Variants in SEM1 observed in about 807,000 individuals in gnomAD.
The protein encoded by SEM1 is 26S proteasome complex subunit SEM1.
Under a neutral mutation model 12.7 loss-of-function variants are expected in SEM1, and 3 were observed. The observed-to-expected ratio is 0.24, with a 90% confidence interval of 0.11 to 0.61. The LOEUF (loss-of-function observed/expected upper bound fraction) is 0.61, where lower values mean the gene tolerates loss of function less well. Ranked by LOEUF, SEM1 falls within the 20% of genes least tolerant of loss-of-function variation. SEM1 has a pLI of 0.88. For missense variants in SEM1, 59 were observed against 81.3 expected (o/e 0.73, Z 1.06); for synonymous variants, 30 against 27.8 (o/e 1.08, Z -0.25).
intron 2 of SEM1, among the ~76,000 whole-genome samples, chr7:96,533,337 C>G (rs573687857): frequency 1.3e-5 from 2 of 152,074 alleles, no homozygotes; most frequent in African/African-American, 2.4e-5. Flanking sequence ...TCTCCTCCCA[C>G]CGTCTCCATC....
chr7:96,590,877 G>T (rs1261988303), intron 2 of SEM1, among the ~76,000 whole-genome samples: 1 of 152,096 alleles, frequency 6.6e-6, no homozygotes, highest in East Asian at 1.9e-4. Flanking sequence ...GAGGGTCGGG[G>T]TTACAAACAT....
chr7:96,527,207 GA>G (rs1295893842), intron 2 of SEM1, among the ~76,000 whole-genome samples: 1 of 152,024 alleles, frequency 6.6e-6, no homozygotes, highest in Admixed American at 6.6e-5. Flanking sequence ...GAGGGAAAGG[GA>G]AAAAAATCCC....
chr7:96,539,497 C>T (rs140898237), intron 2 of SEM1, among the ~76,000 whole-genome samples: 2 of 151,238 alleles, frequency 1.3e-5, no homozygotes, highest in African/African-American at 4.8e-5. Context: ...GGCACTGAGC[C>T]ATTTAAAATA....
chr7:96,690,071 A>G (rs1191415239), intron 2 of SEM1, among the ~76,000 whole-genome samples: 1 of 151,928 alleles, frequency 6.6e-6, no homozygotes, highest in Non-Finnish European at 1.5e-5. Context: ...ATGATCACAG[A>G]AAACTCAAAT....
At chr7:96,489,103 A>G (rs1802894983) in intron 1 of SEM1, among the ~76,000 whole-genome samples, 1 of 152,152 alleles carries the variant, frequency 6.6e-6, no homozygotes, top group Non-Finnish European at 1.5e-5. Context: ...TTGATTGGAC[A>G]CATACCTCTA....
chr7:96,651,643 C>T (rs776335728), intron 2 of SEM1, among the ~76,000 whole-genome samples: 20 of 152,184 alleles, frequency 1.3e-4, no homozygotes, highest in Non-Finnish European at 2.4e-4. Flanking sequence ...GTGATCTCAG[C>T]TTACTGCAAC....
chr7:96,584,730 G>A (rs147588997), intron 2 of SEM1, among the ~76,000 whole-genome samples: 27,819 of 151,254 alleles, frequency 0.18, 2,652 homozygotes, highest in African/African-American at 0.22. Flanking sequence ...ATCTTCCATC[G>A]GTGATACCCT....
upstream of SEM1, among the ~76,000 whole-genome samples, chr7:96,499,476 C>T (rs552285641): frequency 3.9e-5 from 6 of 152,300 alleles, no homozygotes; most frequent in African/African-American, 1.4e-4. Context: ...ATGTGACTCA[C>T]AGCGGGCAGG....
chr7:96,703,925 C>G (rs1408118119), intron 1 of SEM1, among the ~76,000 whole-genome samples: 1 of 151,342 alleles, frequency 6.6e-6, no homozygotes, highest in South Asian at 2.1e-4. Context: ...CGCCACTGTA[C>G]TCCAGCCTGG....
At chr7:96,630,854 A>G (rs2116333751) in intron 2 of SEM1, among the ~76,000 whole-genome samples, 1 of 151,060 alleles carries the variant, frequency 6.6e-6, no homozygotes, top group East Asian at 1.9e-4. Context: ...GAGATAATTA[A>G]TCCTGCCAGG....
chr7:96,681,047 G>A (rs972105298), intron 2 of SEM1, among the ~76,000 whole-genome samples: 10 of 152,096 alleles, frequency 6.6e-5, no homozygotes, highest in Non-Finnish European at 1.5e-5. Context: ...AACAACTGGT[G>A]CAAAATCACC....
At chr7:96,635,645 G>C (rs1808406042) in intron 2 of SEM1, among the ~76,000 whole-genome samples, 1 of 146,060 alleles carries the variant, frequency 6.8e-6, no homozygotes. Context: ...AAACAAAATA[G>C]AGAGCACTAC....
At chr7:96,551,719 A>AG (rs1462514180) in intron 2 of SEM1, among the ~76,000 whole-genome samples, 1 of 95,714 alleles carries the variant, frequency 1.0e-5, no homozygotes. Context: ...AAAAAAAAAA[A>AG]AAAAGAAAAG....
chr7:96,515,559 A>G (rs767271926), intron 2 of SEM1, among the ~76,000 whole-genome samples: 9 of 152,194 alleles, frequency 5.9e-5, no homozygotes, highest in African/African-American at 1.9e-4. Flanking sequence ...TCATGCTACT[A>G]TAAAGGCACA....
exon 2 of SEM1, chr7:96,486,306 C>T (rs1802761787): frequency 1.3e-6 from 2 of 1,537,072 alleles, no homozygotes; most frequent in Non-Finnish European, 1.7e-6. Context: ...ATCCAGGGTC[C>T]TCTGGCCCGC....
At chr7:96,704,338 T>C (rs1790377784) in intron 1 of SEM1, among the ~76,000 whole-genome samples, 1 of 152,194 alleles carries the variant, frequency 6.6e-6, no homozygotes, top group Admixed American at 6.5e-5. Context: ...ACTGTGTTTT[T>C]ACTTTTTAAT....
At chr7:96,535,741 T>G (rs1476015938) in intron 2 of SEM1, among the ~76,000 whole-genome samples, 4 of 151,894 alleles carry the variant, frequency 2.6e-5, no homozygotes, top group Admixed American at 1.3e-4. Flanking sequence ...TTAATTCACT[T>G]AGGATAATGG....
intron 2 of SEM1, among the ~76,000 whole-genome samples, chr7:96,511,418 G>A (rs1414245307): frequency 6.6e-6 from 1 of 152,112 alleles, no homozygotes; most frequent in Non-Finnish European, 1.5e-5. Context: ...GAAGAATTAT[G>A]AAAAGTCTTC....
intron 2 of SEM1, among the ~76,000 whole-genome samples, chr7:96,553,100 T>A (rs563460541): frequency 2.0e-5 from 3 of 152,206 alleles, no homozygotes; most frequent in African/African-American, 7.2e-5. Context: ...TATTAGCCCT[T>A]GTCAGATGAG....
Sources: allele counts gnomAD v4.1 joint callset (sites outside exome capture counted in the v4.1 genomes callset), GRCh38; gene constraint gnomAD v4.1.1; transcripts MANE v1.5; gene names NCBI Gene and HGNC (gene_info 2026-07-23, HGNC 2026-07-21).